KYAT3: variants seen among roughly 807,000 people sequenced by gnomAD.
KYAT3 encodes the protein kynurenine aminotransferase 3.
In KYAT3, 50 loss-of-function variants were observed where a neutral mutation model predicts 59.0. That is an observed-to-expected ratio of 0.85 (90% confidence interval 0.68 to 1.07). The LOEUF (loss-of-function observed/expected upper bound fraction) is 1.07, where lower values mean the gene tolerates loss of function less well. Among genes scored for constraint, KYAT3 ranks in the 50% least tolerant of loss-of-function variants. The probability of loss-of-function intolerance (pLI) is 0.00; values close to 1 mark genes in which losing one functional copy is unlikely to be tolerated. For missense variants in KYAT3, 497 were observed against 533.3 expected (o/e 0.93, Z 0.67); for synonymous variants, 148 against 177.0 (o/e 0.84, Z 1.30).
chr1:88,969,528 C>A, intron 2 of KYAT3, 61 bp from the exon 3 acceptor site: 2 of 866,566 alleles, frequency 2.3e-6, no homozygotes, highest in South Asian at 1.4e-5. Flanking sequence ...GCCAGTAAAT[C>A]ATGGGTCACT....
intron 8 of KYAT3, among the ~76,000 whole-genome samples, chr1:88,959,160 G>T (rs1205464463): frequency 6.6e-6 from 1 of 151,706 alleles, no homozygotes; most frequent in Non-Finnish European, 1.5e-5. Flanking sequence ...CAGACTTGTA[G>T]TCATAGCTAT....
chr1:88,940,959 A>T (rs1007309491), intron 13 of KYAT3, among the ~76,000 whole-genome samples: 1 of 152,202 alleles, frequency 6.6e-6, no homozygotes, highest in Non-Finnish European at 1.5e-5. Context: ...CTCTACCATC[A>T]CCTTCACAGT....
chr1:88,937,731 T>C (rs1428746121), intron 13 of KYAT3, among the ~76,000 whole-genome samples: 1 of 152,202 alleles, frequency 6.6e-6, no homozygotes, highest in Non-Finnish European at 1.5e-5. Context: ...ATGTGCCACC[T>C]GATACAATGA....
chr1:88,978,066 TATATA>T (rs1343203067), intron 2 of KYAT3, among the ~76,000 whole-genome samples: 1 of 152,048 alleles, frequency 6.6e-6, no homozygotes, highest in Admixed American at 6.6e-5. Context: ...GATATGTATG[TATATA>T]ATATATACAC....
rs950522244 is a variant in KYAT3 at position 88,963,642 on chromosome 1, C to T, written c.453+1187G>A. Among the ~76,000 whole-genome samples the T allele has an allele frequency of 2.6e-5, 4 of 152,288 alleles. No homozygotes were observed. The South Asian group carries it at 6.2e-4, about 24-fold the overall frequency. ...CTTTTGTCACTACCATAGTGTTCCTCGTAATCCATTTGCAAGTCTGTGTTC... is the reference window on the plus strand; with the variant it reads ...CTTTTGTCACTACCATAGTGTTCCTTGTAATCCATTTGCAAGTCTGTGTTC... On this transcript the variant is annotated intron_variant, in intron 5 of 13. Coordinates refer to ENST00000260508, the MANE Select transcript of KYAT3 (RefSeq NM_001008661.3).
In KYAT3 at chr1:88,961,481, G is replaced by C. The variant is rs1374616979; in HGVS notation, c.566C>G (p.Ser189Cys). 3.7e-6 allele frequency: 6 copies of C among 1,612,232 alleles called. No individual in the cohort carries two copies. Among genetic ancestry groups the C allele is most frequent in the South Asian group, 3.3e-5 (3 of 90,740 alleles). ...AGGATCTAATGTCCAGTCAGAACTA[G>C]ACCATCTTTTTCCATAAACAGGTTT... ...RSKPVYGKRW[S>C]SSDWTLDPQE... Residue 189 changes from serine to cysteine, a missense_variant, in exon 7 of 14, where the codon TCT becomes TGT. Physicochemically the swap from Ser to Cys is moderately radical, Grantham distance 112. Around this residue, in one of 2 missense-constraint regions of KYAT3, gnomAD observed 469 missense variants for 479.1 expected, o/e 0.98. Transcript: ENST00000260508.
intron 2 of KYAT3, among the ~76,000 whole-genome samples, chr1:88,987,300 G>A (rs1250135305): frequency 2.0e-5 from 3 of 152,020 alleles, no homozygotes; most frequent in Non-Finnish European, 2.9e-5. Flanking sequence ...GGCTTCAACC[G>A]ACTTCTATGT....
At chr1:88,933,638 A>G (rs1381335562), downstream of KYAT3, among the ~76,000 whole-genome samples, 4 of 152,246 alleles carry the variant, frequency 2.6e-5, no homozygotes, top group African/African-American at 4.8e-5. Context: ...TTGAAGGTCC[A>G]AGAGCATAGA....
Position 88,982,526 on chromosome 1 carries a change from A to G in KYAT3, c.99+5726T>C, listed in dbSNP as rs544902023. On this transcript the variant is annotated intron_variant, in intron 2 of 13. Transcript: ENST00000260508. ...AACATAAAAATTACGGAAGGGACTT[A>G]ACAGGGAATTTAAAAAAGGTAACAC... 3.0e-6 allele frequency: 4 copies of G among 1,349,504 alleles called. No homozygotes were observed. In the East Asian group the frequency reaches 9.8e-5, roughly 33 times the overall value. 83.6% of individuals were successfully genotyped at this position (1,349,504 alleles called of 1,614,324 possible). A position where few individuals can be genotyped will look rare whatever the true frequency, so the allele number is the denominator to read the frequency against.
intron 2 of KYAT3, chr1:88,982,360 G>C: frequency 5.4e-6 from 4 of 747,450 alleles, no homozygotes; most frequent in Non-Finnish European, 7.2e-6. Context: ...AACCAGATAG[G>C]AAGTGGTCTT....
intron 2 of KYAT3, among the ~76,000 whole-genome samples, chr1:88,974,793 A>C (rs994083805): frequency 8.5e-5 from 13 of 152,058 alleles, no homozygotes; most frequent in African/African-American, 2.9e-4. Context: ...AAACGCACCA[A>C]ATCAGCACTC....
At chr1:88,924,409 T>C in the KYAT3 span, among the ~76,000 whole-genome samples, 1 of 152,244 alleles carries the variant, frequency 6.6e-6, no homozygotes, top group African/African-American at 2.4e-5. Context: ...CCTCCTCCCA[T>C]TATTTATGGG....
intron 8 of KYAT3, among the ~76,000 whole-genome samples, chr1:88,959,184 G>A (rs1676046261): frequency 6.6e-6 from 1 of 151,938 alleles, no homozygotes; most frequent in South Asian, 2.1e-4. Flanking sequence ...GGGGGCTGAG[G>A]TGGAAGGATT....
In KYAT3 at chr1:88,957,419, G is replaced by A. The variant is rs997261420; in HGVS notation, c.788-2194C>T. 4.6e-4 allele frequency among the ~76,000 whole-genome samples: 70 copies of A among 152,024 alleles called. 3 individuals are homozygous for A. ...AGATTATCACTTCCTTTAAAGTAAA[G>A]GATACATCATATATTAAAGGACTAC... is the stretch of plus-strand genomic sequence containing the variant. On this transcript the variant is annotated intron_variant, in intron 8 of 13. Transcript: ENST00000260508.
chr1:88,961,925 C>A, intron 6 of KYAT3, 134 bp downstream of exon 6: 1 of 668,642 alleles, frequency 1.5e-6, no homozygotes, highest in Non-Finnish European at 2.6e-6. Context: ...AAAAAGACAA[C>A]TAGACAAATA....
intron 4 of KYAT3, 69 bp downstream of exon 4, chr1:88,968,601 G>GT: frequency 1.6e-6 from 2 of 1,227,204 alleles, no homozygotes; most frequent in South Asian, 3.7e-5. Flanking sequence ...AAGGGCACAT[G>GT]CACACACACA....
chr1:88,929,200 G>C, the KYAT3 span, among the ~76,000 whole-genome samples: 1 of 152,024 alleles, frequency 6.6e-6, no homozygotes, highest in Non-Finnish European at 1.5e-5. Context: ...AAAAGCCCAA[G>C]GCCTAGTAAA....
chr1:88,991,589 T>G (rs192137722), intron 1 of KYAT3, among the ~76,000 whole-genome samples: 1 of 152,216 alleles, frequency 6.6e-6, no homozygotes. Flanking sequence ...AAGGATGCGC[T>G]TCAAAGCCAC....
intron 2 of KYAT3, among the ~76,000 whole-genome samples, chr1:88,973,537 A>C (rs996989723): frequency 6.6e-6 from 1 of 152,160 alleles, no homozygotes; most frequent in Non-Finnish European, 1.5e-5. Flanking sequence ...GAATGTCTAT[A>C]AGGCTTGTAT....
Sources: allele counts gnomAD v4.1 joint callset (sites outside exome capture counted in the v4.1 genomes callset), GRCh38; gene constraint gnomAD v4.1.1; regional missense constraint gnomAD v4.1.1; transcripts MANE v1.5; gene names NCBI Gene and HGNC (gene_info 2026-07-23, HGNC 2026-07-21).